LRMDA: variants seen among roughly 807,000 people sequenced by gnomAD.
LRMDA encodes leucine rich melanocyte differentiation associated.
A neutral mutation model predicts 29.8 loss-of-function variants in LRMDA; 18 were observed. That is an observed-to-expected ratio of 0.60 (90% CI 0.42 to 0.90). The LOEUF (loss-of-function observed/expected upper bound fraction) is 0.90, where lower values mean the gene tolerates loss of function less well. LRMDA is among the 40% of genes least tolerant of loss of function. The pLI, the probability that LRMDA is intolerant of heterozygous loss-of-function variation, is 0.00. For synonymous variants in LRMDA, 125 were observed against 109.4 expected (o/e 1.14, Z -0.89); for missense variants, 273 against 273.9 (o/e 1.00, Z 0.02).
intron 2 of LRMDA, among the ~76,000 whole-genome samples, chr10:75,893,227 G>A (rs1027178128): frequency 6.6e-6 from 1 of 152,130 alleles, no homozygotes; most frequent in African/African-American, 2.4e-5. Context: ...CCCCTAAAGA[G>A]TTACTGAGGG....
At chr10:76,536,428 C>G (rs1253372844) in intron 6 of LRMDA, among the ~76,000 whole-genome samples, 1 of 152,080 alleles carries the variant, frequency 6.6e-6, no homozygotes, top group Non-Finnish European at 1.5e-5. Flanking sequence ...TGTCACATCA[C>G]TGGGGTCTCC....
chr10:76,365,208 A>T (rs1278324507), intron 6 of LRMDA, among the ~76,000 whole-genome samples: 1 of 151,312 alleles, frequency 6.6e-6, no homozygotes, highest in Admixed American at 6.6e-5. Flanking sequence ...GTGCTCCTGT[A>T]AACATGCATG....
At chr10:76,363,215 A>AAGGGAG (rs1491098591) in intron 6 of LRMDA, among the ~76,000 whole-genome samples, 1 of 25,004 alleles carries the variant, frequency 4.0e-5, no homozygotes, top group East Asian at 5.6e-4. Context: ...GGAGGGAAGG[A>AAGGGAG]AGAGAAAGAA....
chr10:76,192,360 A>T (rs1041760549), intron 5 of LRMDA, among the ~76,000 whole-genome samples: 4 of 152,154 alleles, frequency 2.6e-5, no homozygotes, highest in African/African-American at 9.7e-5. Context: ...TTAACAATTG[A>T]TCAGACCAGG....
intron 2 of LRMDA, among the ~76,000 whole-genome samples, chr10:75,833,185 C>G (rs1261663679): frequency 1.3e-5 from 2 of 152,172 alleles, no homozygotes; most frequent in Admixed American, 1.3e-4. Context: ...TTTAATGCAT[C>G]CTAATTTTAA....
chr10:76,468,200 C>T (rs943470368), intron 6 of LRMDA, among the ~76,000 whole-genome samples: 9 of 152,204 alleles, frequency 5.9e-5, no homozygotes, highest in Non-Finnish European at 8.8e-5. Context: ...TATGTTTTGT[C>T]ACCATTTTTG....
chr10:76,147,034 G>A (rs1384363156), intron 5 of LRMDA, among the ~76,000 whole-genome samples: 2 of 152,226 alleles, frequency 1.3e-5, no homozygotes, highest in Non-Finnish European at 2.9e-5. Flanking sequence ...CTGGCTTGCA[G>A]AGTTTCTGCT....
intron 2 of LRMDA, among the ~76,000 whole-genome samples, chr10:75,856,384 G>T (rs1436728139): frequency 2.0e-5 from 3 of 152,088 alleles, no homozygotes; most frequent in African/African-American, 7.2e-5. Flanking sequence ...AACAAAAAAA[G>T]AGAATTTTAG....
At chr10:75,442,191 AC>A (rs1844333612) in intron 2 of LRMDA, among the ~76,000 whole-genome samples, 1 of 152,258 alleles carries the variant, frequency 6.6e-6, no homozygotes, top group African/African-American at 2.4e-5. Context: ...ATGTTCTGAT[AC>A]ATGCATACAT....
intron 6 of LRMDA, among the ~76,000 whole-genome samples, chr10:76,383,722 G>A (rs377045093): frequency 2.0e-5 from 3 of 151,968 alleles, no homozygotes; most frequent in East Asian, 1.9e-4. Context: ...GAGCCACCGC[G>A]CCCGGCCCAC....
Position 75,754,865 on chromosome 10 carries a change from T to C in LRMDA, c.132-281143T>C, listed in dbSNP as rs189850590. Among the ~76,000 whole-genome samples, 385 of 152,244 alleles carry C rather than the reference T, an allele frequency of 2.5e-3. 3 individuals are homozygous for C. Among genetic ancestry groups the C allele is most frequent in the South Asian group, 0.023 (111 of 4,818 alleles). On this transcript the variant is annotated intron_variant, in intron 2 of 6. Transcript: ENST00000611255. ...ACTGCAGCCTCACATCCATCCACGG[T>C]CCGTAGGAGCCATAGATTGTTGCTG... is the stretch of plus-strand genomic sequence containing the variant.
chr10:75,776,171 T>C (rs536762370), intron 2 of LRMDA, among the ~76,000 whole-genome samples: 3 of 152,336 alleles, frequency 2.0e-5, no homozygotes, highest in African/African-American at 4.8e-5. Context: ...ACTTAGATGC[T>C]GAACACTGAG....
At chr10:75,876,012 T>C (rs1207442112) in intron 2 of LRMDA, among the ~76,000 whole-genome samples, 1 of 152,094 alleles carries the variant, frequency 6.6e-6, no homozygotes, top group African/African-American at 2.4e-5. Flanking sequence ...GATTGGATCC[T>C]GGTGGTAGGA....
chr10:76,469,995 A>C (rs12570056), intron 6 of LRMDA, among the ~76,000 whole-genome samples: 55,010 of 151,914 alleles, frequency 0.36, 11,092 homozygotes, highest in Middle Eastern at 0.55. Flanking sequence ...ATTAGCTTTC[A>C]TTAGAAACAA....
intron 2 of LRMDA, among the ~76,000 whole-genome samples, chr10:75,654,924 T>A (rs1841647955): frequency 6.6e-6 from 1 of 152,178 alleles, no homozygotes; most frequent in African/African-American, 2.4e-5. Flanking sequence ...CAGAAAAAAA[T>A]TAACTTTGCT....
At chr10:76,003,944 C>G (rs958091075) in intron 2 of LRMDA, among the ~76,000 whole-genome samples, 3 of 152,194 alleles carry the variant, frequency 2.0e-5, no homozygotes, top group African/African-American at 7.2e-5. Flanking sequence ...CCAGAGTTCT[C>G]TAGCCCAGGT....
At chr10:76,381,044 T>G (rs1392065170) in intron 6 of LRMDA, among the ~76,000 whole-genome samples, 1 of 24,508 alleles carries the variant, frequency 4.1e-5, no homozygotes, top group African/African-American at 1.3e-4. Flanking sequence ...TTTTTTGGCT[T>G]GGAATGGCTG....
intron 3 of LRMDA, among the ~76,000 whole-genome samples, chr10:76,045,407 T>G (rs181216801): frequency 3.4e-5 from 5 of 147,278 alleles, no homozygotes; most frequent in African/African-American, 7.8e-5. Flanking sequence ...CCCTCTCTTG[T>G]TAGTTTCCCC....
intron 5 of LRMDA, among the ~76,000 whole-genome samples, chr10:76,162,394 A>G (rs1327328229): frequency 6.6e-6 from 1 of 152,212 alleles, no homozygotes; most frequent in Admixed American, 6.5e-5. Flanking sequence ...ATCCTGTATT[A>G]GTCAATTCTC....
Sources: gnomAD v4.1 joint callset for allele counts (sites outside exome capture counted in the v4.1 genomes callset) on GRCh38, gnomAD v4.1.1 for gene constraint, MANE v1.5 for transcripts, NCBI Gene and HGNC (gene_info 2026-07-23, HGNC 2026-07-21) for gene names.